LOXL2: variants seen among roughly 807,000 people sequenced by gnomAD.
LOXL2 encodes the protein lysyl oxidase like 2, also known as lysyl oxidase homolog 2.
A neutral mutation model predicts 93.0 loss-of-function variants in LOXL2; 70 were observed. The observed-to-expected ratio is 0.75, with a 90% CI of 0.62 to 0.92. The LOEUF is 0.92. LOXL2 is among the 40% of genes least tolerant of loss of function. The pLI, the probability that LOXL2 is intolerant of heterozygous loss-of-function variation, is 0.00. For missense variants in LOXL2, 973 were observed against 1,054.9 expected, an observed-to-expected ratio of 0.92 and a Z score of 1.08; for synonymous variants, 438 against 413.2, an observed-to-expected ratio of 1.06 and a Z score of -0.73.
chr8:23,314,831 A>AT (rs1803368355), intron 9 of LOXL2, among the ~76,000 whole-genome samples: 4 of 42,590 alleles, frequency 9.4e-5, no homozygotes, highest in South Asian at 9.8e-4. Flanking sequence ...AAACGAAAAA[A>AT]GAAAAAAATA....
intron 10 of LOXL2, among the ~76,000 whole-genome samples, chr8:23,307,953 G>GAAAAAAAAAAAAAA (rs1554475672): frequency 1.2e-5 from 1 of 83,522 alleles, no homozygotes; most frequent in African/African-American, 4.7e-5. Context: ...GCTGCGATAT[G>GAAAAAAAAAAAAAA]AAAAAAAAAA....
At chr8:23,340,096 G>C (rs915903055) in intron 4 of LOXL2, among the ~76,000 whole-genome samples, 12 of 152,180 alleles carry the variant, frequency 7.9e-5, no homozygotes, top group African/African-American at 2.9e-4. Flanking sequence ...CCCTATAGCT[G>C]GACACAGGGG....
intron 1 of LOXL2, among the ~76,000 whole-genome samples, chr8:23,388,815 A>AG (rs56859927): frequency 0.12 from 18,422 of 152,108 alleles, 1,369 homozygotes; most frequent in Admixed American, 0.17. Context: ...TAAGGAGGGT[A>AG]GGGGAAAAAA....
At chr8:23,348,617 C>T (rs544136245) in intron 3 of LOXL2, among the ~76,000 whole-genome samples, 1 of 151,972 alleles carries the variant, frequency 6.6e-6, no homozygotes, top group Non-Finnish European at 1.5e-5. Context: ...GTGGCTCACG[C>T]CTGTAATCCT....
chr8:23,333,648 G>A, intron 4 of LOXL2, 25 bp from the exon 5 acceptor site: 1 of 1,587,438 alleles, frequency 6.3e-7, no homozygotes, highest in Admixed American at 1.7e-5. Context: ...AGGGGACAGG[G>A]GACCAGGGCA....
At chr8:23,345,467 G>C (rs556124497) in intron 3 of LOXL2, among the ~76,000 whole-genome samples, 1 of 152,342 alleles carries the variant, frequency 6.6e-6, no homozygotes, top group South Asian at 2.1e-4. Flanking sequence ...GGGGAGAGCT[G>C]GGCTCCCAGC....
intron 1 of LOXL2, among the ~76,000 whole-genome samples, chr8:23,382,858 G>A (rs1289382620): frequency 1.3e-5 from 2 of 152,098 alleles, no homozygotes; most frequent in Non-Finnish European, 2.9e-5. Flanking sequence ...TCTTCTCTGG[G>A]GTGGACCATT....
intron 6 of LOXL2, among the ~76,000 whole-genome samples, chr8:23,327,157 T>A (rs1427642538): frequency 6.6e-6 from 1 of 152,210 alleles, no homozygotes; most frequent in African/African-American, 2.4e-5. Flanking sequence ...CAGGGCACCC[T>A]GTAAGAGCTG....
chr8:23,357,074 T>C (rs1563200854), intron 3 of LOXL2, among the ~76,000 whole-genome samples: 1 of 142,546 alleles, frequency 7.0e-6, no homozygotes, highest in Admixed American at 7.0e-5. Context: ...TTCAGTCTTC[T>C]TTTTTTTTTT....
intron 13 of LOXL2, among the ~76,000 whole-genome samples, chr8:23,298,420 T>C (rs1446573955): frequency 6.6e-6 from 1 of 152,232 alleles, no homozygotes; most frequent in African/African-American, 2.4e-5. Flanking sequence ...GTTCCCCAAG[T>C]CCTATCATCC....
At chr8:23,319,079 T>C (rs1232784632) in intron 8 of LOXL2, among the ~76,000 whole-genome samples, 1 of 152,352 alleles carries the variant, frequency 6.6e-6, no homozygotes, top group East Asian at 1.9e-4. Context: ...TCTCCAAGCA[T>C]CTTCCCGTTA....
At chr8:23,321,977 G>C (rs1046263388) in intron 7 of LOXL2, 153 bp downstream of exon 7, 5 of 849,220 alleles carry the variant, frequency 5.9e-6, no homozygotes, top group Non-Finnish European at 9.2e-6. Context: ...CCCGAGGTTC[G>C]AGGGGGAACT....
At chr8:23,385,066 T>C (rs73226415) in intron 1 of LOXL2, among the ~76,000 whole-genome samples, 18,437 of 131,494 alleles carry the variant, frequency 0.14, 1,376 homozygotes, top group Admixed American at 0.21. Context: ...AGCAGTTTCC[T>C]TCAACTATGG....
chr8:23,323,538 C>G (rs148445426), intron 6 of LOXL2, among the ~76,000 whole-genome samples: 5 of 152,348 alleles, frequency 3.3e-5, no homozygotes, highest in African/African-American at 1.2e-4. Flanking sequence ...TTTTACACAT[C>G]TTGCTCAAGC....
intron 3 of LOXL2, among the ~76,000 whole-genome samples, chr8:23,342,072 G>C (rs1367455045): frequency 6.6e-6 from 1 of 152,188 alleles, no homozygotes; most frequent in African/African-American, 2.4e-5. Flanking sequence ...AAGTGGAGGA[G>C]GGCTGGAGGG....
chr8:23,362,734 G>GA (rs890150621), intron 2 of LOXL2, among the ~76,000 whole-genome samples: 246 of 151,986 alleles, frequency 1.6e-3, no homozygotes, highest in African/African-American at 5.5e-3. Flanking sequence ...CCTGTCTCCA[G>GA]AAAAAAAATC....
chr8:23,333,326 G>C, intron 5 of LOXL2, 75 bp downstream of exon 5: 1 of 1,362,294 alleles, frequency 7.3e-7, no homozygotes, highest in African/African-American at 1.4e-5. Context: ...TCTCCTGGGG[G>C]ATCCTGCCTA....
intron 8 of LOXL2, 39 bp downstream of exon 8, chr8:23,319,846 T>TG (rs1258296932): frequency 2.2e-5 from 36 of 1,600,096 alleles, no homozygotes; most frequent in Non-Finnish European, 2.9e-5. Flanking sequence ...TCAGACTGCA[T>TG]GGGGGGTGAA....
intron 5 of LOXL2, among the ~76,000 whole-genome samples, chr8:23,330,129 T>C (rs1028896981): frequency 6.6e-6 from 1 of 151,882 alleles, no homozygotes; most frequent in Admixed American, 6.6e-5. Context: ...ATTGAGACCA[T>C]CCTGGCTAAC....
Sources: gnomAD v4.1 joint callset for allele counts (sites outside exome capture counted in the v4.1 genomes callset) on GRCh38, gnomAD v4.1.1 for gene constraint, MANE v1.5 for transcripts, NCBI Gene and HGNC (gene_info 2026-07-23, HGNC 2026-07-21) for gene names.